IGF1: variants seen among roughly 807,000 people sequenced by gnomAD.
The protein encoded by IGF1 is insulin-like growth factor 1.
IGF1 carries 4 observed loss-of-function variants against 13.8 expected under a neutral mutation model. The ratio of observed to expected loss-of-function variants is 0.29; its 90% CI spans 0.14 to 0.66. The LOEUF is 0.66. Among genes scored for constraint, IGF1 ranks in the 30% least tolerant of loss-of-function variants. IGF1 has a pLI of 0.78. For synonymous variants in IGF1, 76 were observed against 72.6 expected (o/e 1.05, Z -0.23); for missense variants, 124 against 188.5 (o/e 0.66, Z 2.00).
chr12:102,452,711 A>G (rs1879071533), intron 2 of IGF1, among the ~76,000 whole-genome samples: 1 of 152,230 alleles, frequency 6.6e-6, no homozygotes, highest in South Asian at 2.1e-4. Flanking sequence ...TAAAAAGATA[A>G]GACATTCTCT....
At chr12:102,422,373 G>A (rs370663927) in intron 2 of IGF1, among the ~76,000 whole-genome samples, 3 of 152,048 alleles carry the variant, frequency 2.0e-5, no homozygotes, top group Admixed American at 6.5e-5. Flanking sequence ...CTCATTGTAC[G>A]TCATTGGGAA....
intron 2 of IGF1, among the ~76,000 whole-genome samples, chr12:102,430,750 ACT>A (rs1876668239): frequency 6.6e-6 from 1 of 152,138 alleles, no homozygotes; most frequent in Non-Finnish European, 1.5e-5. Context: ...TCAGGAAGAC[ACT>A]CTGGTAAAGG....
chr12:102,419,612 C>T lies in IGF1; in HGVS notation c.299G>A (p.Cys100Tyr). ...GIVDECCFRSCDLRRLEMYCA... is the reference protein window; with the variant it reads ...GIVDECCFRSYDLRRLEMYCA... ...ATACATCTCCAGCCTCCTTAGATCA[C>T]AGCTCCGGAAGCAGCACTCATCCAC... The change falls in exon 3 of 4, where the codon TGT becomes TAT. Residue 100 changes from cysteine (C) to tyrosine (Y), a missense_variant. Cys to Tyr is a radical substitution (Grantham distance 194). Around this residue, in one of 2 missense-constraint regions of IGF1, gnomAD observed 99 missense variants for 171.4 expected, o/e 0.58. Transcript: ENST00000337514. The T allele has an allele frequency of 6.2e-7, 1 of 1,613,864 alleles. No homozygotes were observed. The highest frequency in any genetic ancestry group is 8.5e-7 in the Non-Finnish European group (1 of 1,180,014).
intron 2 of IGF1, among the ~76,000 whole-genome samples, chr12:102,442,754 C>G (rs965488777): frequency 6.6e-6 from 1 of 152,090 alleles, no homozygotes; most frequent in East Asian, 1.9e-4. Flanking sequence ...TAAAATTGCT[C>G]AAGAAATATG....
rs546278690 is a variant in IGF1, at chr12:102,452,130, C to T, written c.220+23513G>A. Among the ~76,000 whole-genome samples the T allele has an allele frequency of 4.0e-4, 60 of 151,588 alleles. No individual in the cohort carries two copies. The South Asian group carries it at 6.1e-3, about 15-fold the overall frequency. The stretch of plus-strand genomic sequence containing the variant: ...ACAAAAAATTAGCCGGGCGTGGTAG[C>T]GGGCGCCTGTAGTCCCAGCTACTCG... On this transcript the variant is annotated intron_variant, in intron 2 of 3. Transcript: ENST00000337514.
intron 2 of IGF1, among the ~76,000 whole-genome samples, chr12:102,460,691 A>C (rs941594882): frequency 2.0e-5 from 3 of 152,232 alleles, no homozygotes; most frequent in African/African-American, 7.2e-5. Flanking sequence ...ACAGCAGTAA[A>C]CATTCTGGAA....
chr12:102,461,376 G>A (rs1430304653), intron 2 of IGF1, among the ~76,000 whole-genome samples: 1 of 152,114 alleles, frequency 6.6e-6, no homozygotes, highest in Non-Finnish European at 1.5e-5. Flanking sequence ...TTCACCTTCT[G>A]ATAGGTGACC....
intron 2 of IGF1, among the ~76,000 whole-genome samples, chr12:102,436,466 G>A (rs1219825186): frequency 6.6e-6 from 1 of 152,124 alleles, no homozygotes; most frequent in African/African-American, 2.4e-5. Context: ...GACTTCCCAG[G>A]AACCCAAACC....
Position 102,396,860 on chromosome 12 carries a change from A to T in IGF1, c.*5647T>A, listed in dbSNP as rs529785424. On this transcript the variant is annotated 3_prime_UTR_variant, in exon 4 of 4. Transcript: ENST00000337514. ...AAGACCCCATCAAAGATAGTTGAAG[A>T]ATGAGGAGAGAAGGATCATGTTTAA... The T allele has an allele frequency of 2.5e-6, 1 of 398,154 alleles. No individual in the cohort carries two copies. The highest frequency in any genetic ancestry group is 2.1e-5 in the African/African-American group (1 of 48,600). The allele number at this position is 398,154 out of a possible 1,614,324, so 24.7% of individuals were successfully genotyped here. A position where few individuals can be genotyped will look rare whatever the true frequency, so the allele number is the denominator to read the frequency against.
At chr12:102,402,811 CA>C (rs1346907703) in intron 3 of IGF1, among the ~76,000 whole-genome samples, 2 of 152,132 alleles carry the variant, frequency 1.3e-5, no homozygotes, top group Non-Finnish European at 2.9e-5. Flanking sequence ...GCTTTATAAT[CA>C]CACAAAGATG....
chr12:102,463,086 TA>T (rs1476080229), intron 2 of IGF1: 2 of 152,180 alleles, frequency 1.3e-5, no homozygotes, highest in East Asian at 3.8e-4. Flanking sequence ...GTTTCAGGAA[TA>T]ACAAAGCATC....
At chr12:102,431,348 C>T (rs1311952688) in intron 2 of IGF1, among the ~76,000 whole-genome samples, 1 of 152,204 alleles carries the variant, frequency 6.6e-6, no homozygotes, top group East Asian at 1.9e-4. Flanking sequence ...AAGTTGAAAA[C>T]TATTCCATTA....
At chr12:102,407,094 C>CAAAAAA (rs57468885) in intron 3 of IGF1, among the ~76,000 whole-genome samples, 26 of 100,972 alleles carry the variant, frequency 2.6e-4, no homozygotes, top group Non-Finnish European at 3.4e-4. Context: ...ACTCTGTCTC[C>CAAAAAA]AAAAAAAAAA....
At chr12:102,452,623 G>A (rs937289826) in intron 2 of IGF1, among the ~76,000 whole-genome samples, 3 of 152,196 alleles carry the variant, frequency 2.0e-5, no homozygotes, top group Admixed American at 1.3e-4. Flanking sequence ...CTTCCAGAAG[G>A]CATGGTGCTC....
intron 3 of IGF1, among the ~76,000 whole-genome samples, chr12:102,416,297 C>T (rs755472162): frequency 8.5e-5 from 13 of 152,110 alleles, no homozygotes; most frequent in Admixed American, 1.3e-4. Context: ...TGGAGGATGG[C>T]GAGAGTTTTT....
At position 102,402,243 on chromosome 12, in the gene IGF1, TA is replaced by T. The variant is rs539494367; in HGVS notation, c.*263del. On this transcript the variant is annotated 3_prime_UTR_variant, in exon 4 of 4. Coordinates refer to ENST00000337514, the MANE Select transcript of IGF1 (RefSeq NM_000618.5). ...AGGGACTAAGATATATATATATATATATTTTTTTTTTCTTTTCTATAGAACA... is the reference window on the plus strand; with the variant it reads ...AGGGACTAAGATATATATATATATATTTTTTTTTTTCTTTTCTATAGAACA... The T allele has an allele frequency of 7.0e-3, 1,784 of 253,976 alleles. 13 individuals carry two copies. Among genetic ancestry groups the T allele is most frequent in the African/African-American group, 7.8e-3 (336 of 43,106 alleles). The allele number at this position is 253,976 out of a possible 1,614,324, so 15.7% of individuals were successfully genotyped here.
intron 2 of IGF1, among the ~76,000 whole-genome samples, chr12:102,453,294 A>G (rs1040061752): frequency 3.3e-5 from 5 of 152,168 alleles, no homozygotes. Flanking sequence ...AGAGTTCCCT[A>G]TAGAGCTTGG....
chr12:102,453,362 T>C (rs1045387182), intron 2 of IGF1, among the ~76,000 whole-genome samples: 15 of 152,192 alleles, frequency 9.9e-5, no homozygotes, highest in African/African-American at 3.4e-4. Flanking sequence ...TAAAGAGGTA[T>C]GGTAGGATTA....
chr12:102,455,135 T>C (rs2137170605), intron 2 of IGF1, among the ~76,000 whole-genome samples: 1 of 152,360 alleles, frequency 6.6e-6, no homozygotes, highest in East Asian at 1.9e-4. Flanking sequence ...TCCAAATGTA[T>C]TTTGACTTTT....
Sources: allele counts gnomAD v4.1 joint callset (sites outside exome capture counted in the v4.1 genomes callset), GRCh38; gene constraint gnomAD v4.1.1; regional missense constraint gnomAD v4.1.1; transcripts MANE v1.5; gene names NCBI Gene and HGNC (gene_info 2026-07-23, HGNC 2026-07-21).